TMC7: variants seen among roughly 807,000 people sequenced by gnomAD.
TMC7 encodes transmembrane channel-like protein 7.
A neutral mutation model predicts 82.9 loss-of-function variants in TMC7; 54 were observed. The observed-to-expected ratio is 0.65, with a 90% CI of 0.52 to 0.82. TMC7 has a LOEUF of 0.82. TMC7 is among the 40% of genes least tolerant of loss of function. The pLI is 0.00. For synonymous variants in TMC7, 350 were observed against 337.9 expected (o/e 1.04, Z -0.39); for missense variants, 820 against 901.2 (o/e 0.91, Z 1.15).
intron 1 of TMC7, among the ~76,000 whole-genome samples, chr16:18,999,534 T>C (rs967646591): frequency 1.3e-5 from 2 of 152,212 alleles, no homozygotes; most frequent in African/African-American, 4.8e-5. Context: ...AGGGAAATGG[T>C]GTGTGGTCTT....
rs1961544541 is a variant in TMC7 at position 19,051,608 on chromosome 16, A to C, written c.1741-78A>C. ...TTAGAGTGATTAACATTCCCACTGT[A>C]ATGCAGGAATGCACTTATTTATCTT... On this transcript the variant is annotated intron_variant, in intron 12 of 15. Coordinates refer to ENST00000304381, the MANE Select transcript of TMC7 (RefSeq NM_024847.4). 5 of 1,531,840 alleles carry C rather than the reference A, an allele frequency of 3.3e-6. No homozygotes were observed. The East Asian group carries it at 1.1e-4, about 35-fold the overall frequency. The allele number at this position is 1,531,840 out of a possible 1,614,324, so 94.9% of individuals were successfully genotyped here.
In TMC7 at chr16:19,044,958, A is replaced by T. The variant is rs1345545415; in HGVS notation, c.1412A>T (p.Asp471Val). Residue 471 changes from aspartate to valine, a missense_variant, in exon 10 of 16, where the codon GAT becomes GTT. By Grantham distance (152) the Asp-to-Val change is radical. Coordinates refer to ENST00000304381, the MANE Select transcript of TMC7 (RefSeq NM_024847.4). ...TLGSKITSCD[D>V]DTCDLCGYNQ... ...GGCTCCAAGATCACATCCTGTGATG[A>T]TGACACATGTGACCTTTGCGGCTAC... 1 of 1,613,708 alleles carries T rather than the reference A, an allele frequency of 6.2e-7. No homozygotes were observed. Among genetic ancestry groups the T allele is most frequent in the Non-Finnish European group, 8.5e-7 (1 of 1,179,976 alleles).
intron 5 of TMC7, among the ~76,000 whole-genome samples, chr16:19,024,970 C>T (rs986593602): frequency 5.3e-5 from 8 of 152,132 alleles, no homozygotes; most frequent in Non-Finnish European, 1.2e-4. Context: ...TGCACCACTG[C>T]ACTCCAGCCT....
rs757646501 is a variant in TMC7 at position 19,055,841 on chromosome 16, C to T, written c.1872-701C>T. ...TCACCTAGGTATTAAGCCCAGCATA[C>T]GTTAGCTATTTTTCCTAATGCTCTC... On this transcript the variant is annotated intron_variant, in intron 13 of 15. Coordinates refer to ENST00000304381, the MANE Select transcript of TMC7 (RefSeq NM_024847.4). 2.0e-5 allele frequency among the ~76,000 whole-genome samples: 3 copies of T among 152,266 alleles called. No homozygotes were observed. The South Asian group carries it at 6.2e-4, about 32-fold the overall frequency.
intron 2 of TMC7, chr16:19,012,144 AAAAAG>A (rs1959395213): frequency 1.3e-5 from 2 of 151,954 alleles, no homozygotes; most frequent in African/African-American, 4.8e-5. Context: ...AAAAAAAAAA[AAAAAG>A]TATTTTAGTG....
At chr16:19,006,761 G>C (rs1316996582) in intron 1 of TMC7, among the ~76,000 whole-genome samples, 1 of 152,230 alleles carries the variant, frequency 6.6e-6, no homozygotes, top group Non-Finnish European at 1.5e-5. Flanking sequence ...GAGCACCCAA[G>C]ATGGCCTCAT....
chr16:19,027,182 G>T (rs747569818), intron 5 of TMC7, among the ~76,000 whole-genome samples: 2 of 145,772 alleles, frequency 1.4e-5, no homozygotes, highest in African/African-American at 5.1e-5. Flanking sequence ...CAATTCTTGT[G>T]CCTCAGCCTC....
At chr16:19,026,365 T>A (rs957318641) in intron 5 of TMC7, among the ~76,000 whole-genome samples, 2 of 151,176 alleles carry the variant, frequency 1.3e-5, no homozygotes, top group African/African-American at 2.4e-5. Context: ...TAGTCCCAGC[T>A]ACTTGGGAGG....
intron 3 of TMC7, among the ~76,000 whole-genome samples, chr16:19,019,897 T>C (rs1959881122): frequency 6.6e-6 from 1 of 152,222 alleles, no homozygotes; most frequent in Non-Finnish European, 1.5e-5. Context: ...TGCTAAGTAT[T>C]AGACAGTGGC....
chr16:19,037,386 C>CAAAAAAAA (rs34990574), intron 7 of TMC7, among the ~76,000 whole-genome samples: 1 of 13,214 alleles, frequency 7.6e-5, no homozygotes, highest in African/African-American at 1.4e-4. Context: ...GACTCTGTCT[C>CAAAAAAAA]AAAAAAAAAA....
At chr16:19,005,018 C>T (rs368929345) in intron 1 of TMC7, among the ~76,000 whole-genome samples, 4 of 151,634 alleles carry the variant, frequency 2.6e-5, no homozygotes, top group African/African-American at 9.7e-5. Context: ...AAGAGTAGTT[C>T]GGAGTATTAA....
chr16:18,986,891 G>A (rs1317607224), intron 1 of TMC7, among the ~76,000 whole-genome samples: 4 of 151,530 alleles, frequency 2.6e-5, no homozygotes, highest in Admixed American at 6.6e-5. Flanking sequence ...TGCAAGCTCC[G>A]TCTCCCGGGT....
intron 1 of TMC7, among the ~76,000 whole-genome samples, chr16:18,991,219 T>G (rs1487440106): frequency 6.6e-6 from 1 of 152,100 alleles, no homozygotes; most frequent in Non-Finnish European, 1.5e-5. Flanking sequence ...GAATTATTGG[T>G]GATGGCCTGG....
chr16:19,043,723 C>T (rs1038848386), intron 9 of TMC7, among the ~76,000 whole-genome samples: 1 of 152,152 alleles, frequency 6.6e-6, no homozygotes, highest in Non-Finnish European at 1.5e-5. Flanking sequence ...GGGATGTGTG[C>T]CACCATGCCC....
intron 9 of TMC7, among the ~76,000 whole-genome samples, chr16:19,042,502 C>CT (rs35911621): frequency 2.4e-3 from 330 of 138,610 alleles, no homozygotes; most frequent in African/African-American, 6.8e-3. Context: ...ATTATTCCTT[C>CT]TTTTTTTTTT....
intron 13 of TMC7, among the ~76,000 whole-genome samples, chr16:19,052,211 C>T (rs922037129): frequency 3.3e-5 from 5 of 152,120 alleles, no homozygotes; most frequent in South Asian, 2.1e-4. Flanking sequence ...GGATTACAGG[C>T]GTGACGCACT....
chr16:19,008,602 T>A lies in TMC7; in HGVS notation c.68-570T>A, dbSNP rs570785902. 3.3e-5 allele frequency among the ~76,000 whole-genome samples: 5 copies of A among 152,248 alleles called. 1 individual carries two copies. The highest frequency in any genetic ancestry group is 3.3e-4 in the Admixed American group (5 of 15,284). On this transcript the variant is annotated intron_variant, in intron 1 of 15. Transcript: ENST00000304381. The stretch of plus-strand genomic sequence containing the variant: ...GGCTGGGCTTAGAACTGGCCCAGCA[T>A]CACTTCTGCTGTGTTCTGTTGGTCC...
intron 14 of TMC7, among the ~76,000 whole-genome samples, 199 bp downstream of exon 14, chr16:19,056,896 G>A (rs1018728971): frequency 3.9e-5 from 6 of 152,030 alleles, no homozygotes; most frequent in African/African-American, 9.7e-5. Context: ...TGGCTGAGGC[G>A]GGCAGATCAC....
At chr16:19,008,364 C>T (rs2039278167) in intron 1 of TMC7, among the ~76,000 whole-genome samples, 1 of 152,206 alleles carries the variant, frequency 6.6e-6, no homozygotes, top group East Asian at 1.9e-4. Context: ...GTCTGCAGTG[C>T]TCCCAATCAC....
Sources: allele counts gnomAD v4.1 joint callset (sites outside exome capture counted in the v4.1 genomes callset), GRCh38; gene constraint gnomAD v4.1.1; transcripts MANE v1.5; gene names NCBI Gene and HGNC (gene_info 2026-07-23, HGNC 2026-07-21).